MS4A5: variants seen among roughly 807,000 people sequenced by gnomAD.
MS4A5 encodes the protein membrane spanning 4-domains A5, also known as membrane-spanning 4-domains subfamily A member 5.
MS4A5 carries 15 observed loss-of-function variants against 18.2 expected under a neutral mutation model. The observed-to-expected ratio is 0.83, with a 90% CI of 0.55 to 1.27. The LOEUF is 1.27. Among genes scored for constraint, MS4A5 ranks in the 50% most tolerant of loss-of-function variants. The pLI, the probability that MS4A5 is intolerant of heterozygous loss-of-function variation, is 0.00. For synonymous variants in MS4A5, 89 were observed against 78.7 expected (o/e 1.13, Z -0.69); for missense variants, 232 against 225.7 (o/e 1.03, Z -0.18).
Position 60,447,675 on chromosome 11 carries a change from C to T in MS4A5, c.519C>T (p.Phe173=), listed in dbSNP as rs368602041. 5.0e-6 allele frequency: 8 copies of T among 1,587,036 alleles called. No individual in the cohort carries two copies. The highest frequency in any genetic ancestry group is 6.8e-6 in the Non-Finnish European group (8 of 1,171,988). The change falls in exon 5 of 5, where the codon TTC becomes TTT. Residue 173 remains phenylalanine (F), a synonymous_variant. Coordinates refer to ENST00000300190, the MANE Select transcript of MS4A5 (RefSeq NM_023945.3). ...FLGILITLMT[F]SIIELFISLP... is the part of the protein sequence containing the mutation. ...GAATTTTGATTACATTGATGACTTT[C>T]AGCATTATTGAATTATTCATTTCTC... is the stretch of plus-strand genomic sequence containing the variant.
At chr11:60,446,619 G>C (rs921662728) in intron 4 of MS4A5, among the ~76,000 whole-genome samples, 2 of 151,948 alleles carry the variant, frequency 1.3e-5, no homozygotes, top group Non-Finnish European at 2.9e-5. Context: ...TGTAATCCCA[G>C]CTACTCGGGA....
intron 4 of MS4A5, among the ~76,000 whole-genome samples, chr11:60,441,867 A>AAGCATTGC (rs1274441339): frequency 1.3e-5 from 2 of 152,218 alleles, no homozygotes; most frequent in Non-Finnish European, 2.9e-5. Flanking sequence ...TTAAGGCAAG[A>AAGCATTGC]AGCATTGCTA....
chr11:60,443,867 TTCC>T (rs1414617200), intron 4 of MS4A5, among the ~76,000 whole-genome samples: 1 of 152,176 alleles, frequency 6.6e-6, no homozygotes, highest in Non-Finnish European at 1.5e-5. Flanking sequence ...AGATGATTGT[TTCC>T]TTATAAAACC....
At position 60,430,874 on chromosome 11, in the gene MS4A5, A is replaced by T; in HGVS notation, c.232A>T (p.Arg78Trp). 1.2e-6 allele frequency: 2 copies of T among 1,613,328 alleles called. No individual in the cohort carries two copies. Among genetic ancestry groups the T allele is most frequent in the Non-Finnish European group, 1.7e-6 (2 of 1,179,800 alleles). ...FLFTLLKPYP[R>W]FPFIFLSGYP... ...TTTCACCTTGTTAAAACCATATCCA[A>T]GGTTTCCCTTTATATTTCTTTCAGG... Residue 78 changes from arginine (R) to tryptophan (W), a missense_variant, in exon 2 of 5, where the codon AGG becomes TGG. Transcript: ENST00000300190.
At chr11:60,432,390 C>G in intron 2 of MS4A5, 21 bp from the exon 3 acceptor site, 5 of 1,510,324 alleles carry the variant, frequency 3.3e-6, no homozygotes, top group Non-Finnish European at 4.6e-6. Context: ...TCATCATTAA[C>G]ATATTTATTC....
chr11:60,438,272 C>A (rs1449968535), intron 4 of MS4A5, among the ~76,000 whole-genome samples: 8 of 152,182 alleles, frequency 5.3e-5, no homozygotes, highest in African/African-American at 1.9e-4. Flanking sequence ...GCATTCAAAG[C>A]AGGATGTAGA....
chr11:60,438,086 G>A (rs2135175566), intron 4 of MS4A5, among the ~76,000 whole-genome samples: 2 of 152,126 alleles, frequency 1.3e-5, no homozygotes, highest in Middle Eastern at 6.8e-3. Context: ...TCAGACCACA[G>A]TGCAATCAAA....
chr11:60,442,613 C>A (rs941446980), intron 4 of MS4A5, among the ~76,000 whole-genome samples: 4 of 152,064 alleles, frequency 2.6e-5, no homozygotes, highest in African/African-American at 9.7e-5. Flanking sequence ...ACCTGTGTAA[C>A]CTGCACGTCC....
chr11:60,430,941 A>G lies in MS4A5; in HGVS notation c.282+17A>G. 6.2e-7 allele frequency: 1 copy of G among 1,600,130 alleles called. No homozygotes were observed. The highest frequency in any genetic ancestry group is 8.5e-7 in the Non-Finnish European group (1 of 1,176,798). On this transcript the variant is annotated intron_variant, in intron 2 of 4. Transcript: ENST00000300190. Reference sequence around the variant, plus strand: ...TCTGTTTTGGTGAGTATAGTCAATCAAGTTCAATTTGAAGCCATGCCAACC... The same window carrying G: ...TCTGTTTTGGTGAGTATAGTCAATCGAGTTCAATTTGAAGCCATGCCAACC...
At chr11:60,439,973 T>G (rs2086101494) in intron 4 of MS4A5, among the ~76,000 whole-genome samples, 1 of 146,290 alleles carries the variant, frequency 6.8e-6, no homozygotes, top group Non-Finnish European at 1.5e-5. Flanking sequence ...GCCAAGTCAA[T>G]CCGAAGCCAA....
intron 2 of MS4A5, among the ~76,000 whole-genome samples, chr11:60,431,176 A>C (rs906321200): frequency 5.3e-5 from 8 of 152,218 alleles, no homozygotes; most frequent in Non-Finnish European, 1.2e-4. Flanking sequence ...ATTTGAAATT[A>C]GTTACTATTT....
chr11:60,430,668 C>A, intron 1 of MS4A5, 128 bp from the exon 2 acceptor site: 1 of 1,041,120 alleles, frequency 9.6e-7, no homozygotes, highest in Non-Finnish European at 1.4e-6. Context: ...AAAGGGACTT[C>A]TATTATTCTT....
At chr11:60,437,127 G>T (rs371766015) in intron 4 of MS4A5, among the ~76,000 whole-genome samples, 3 of 139,312 alleles carry the variant, frequency 2.2e-5, no homozygotes, top group African/African-American at 7.6e-5. Flanking sequence ...TCAACATTCT[G>T]AAAGAAAAGA....
intron 4 of MS4A5, among the ~76,000 whole-genome samples, chr11:60,441,165 T>A (rs1182057637): frequency 2.4e-5 from 3 of 127,212 alleles, no homozygotes; most frequent in Non-Finnish European, 4.9e-5. Context: ...TTCTCAGTAA[T>A]CTATCGCAAG....
intron 3 of MS4A5, 100 bp from the exon 4 acceptor site, chr11:60,433,665 G>A (rs2086063437): frequency 5.1e-6 from 6 of 1,171,754 alleles, no homozygotes; most frequent in Non-Finnish European, 1.2e-6. Flanking sequence ...GCATTAAGAT[G>A]CTGTGACTAA....
intron 4 of MS4A5, among the ~76,000 whole-genome samples, chr11:60,440,405 C>T (rs1227226142): frequency 3.2e-5 from 4 of 125,824 alleles, no homozygotes; most frequent in South Asian, 2.6e-4. Flanking sequence ...GCAATGGCAA[C>T]AAAAGACAAA....
rs778473501 is a variant in MS4A5 at position 60,447,704 on chromosome 11, C to T, written c.548C>T (p.Pro183Leu). 6.2e-7 allele frequency: 1 copy of T among 1,600,392 alleles called. No individual in the cohort carries two copies. Among genetic ancestry groups the T allele is most frequent in the East Asian group, 2.2e-5 (1 of 44,670 alleles). Residue 183 changes from proline to leucine, a missense_variant, in exon 5 of 5, where the codon CCT becomes CTT. Pro to Leu is a moderately conservative substitution (Grantham distance 98, BLOSUM62 -3). Transcript: ENST00000300190. Reference protein sequence around the residue: ...FSIIELFISLPFSILGCHSED... With the variant: ...FSIIELFISLLFSILGCHSED... ...ATTATTGAATTATTCATTTCTCTGC[C>T]TTTCTCAATTTTGGGGTGCCACTCA...
intron 2 of MS4A5, 118 bp downstream of exon 2, chr11:60,431,042 T>C: frequency 2.7e-6 from 3 of 1,104,296 alleles, no homozygotes; most frequent in Non-Finnish European, 2.6e-6. Flanking sequence ...TGCAAAAAAC[T>C]AACCTTGTTG....
At position 60,433,799 on chromosome 11, in the gene MS4A5, C is replaced by T; in HGVS notation, c.374C>T (p.Ala125Val). ...ILSRIMNFLS[A>V]LGAIAGIILL... ...AGCCGAATAATGAATTTTCTTAGTG[C>T]CCTGGGAGCAATAGCTGGAATCATT... is the stretch of plus-strand genomic sequence containing the variant. Residue 125 changes from alanine to valine, a missense_variant, in exon 4 of 5, where the codon GCC becomes GTC. Physicochemically the swap from Ala to Val is moderately conservative, Grantham distance 64. Coordinates refer to ENST00000300190, the MANE Select transcript of MS4A5 (RefSeq NM_023945.3). The T allele has an allele frequency of 1.2e-6, 2 of 1,613,718 alleles. No individual in the cohort carries two copies. Among genetic ancestry groups the T allele is most frequent in the East Asian group, 2.2e-5 (1 of 44,876 alleles).
Sources: allele counts gnomAD v4.1 joint callset (sites outside exome capture counted in the v4.1 genomes callset), GRCh38; gene constraint gnomAD v4.1.1; transcripts MANE v1.5; gene names NCBI Gene and HGNC (gene_info 2026-07-23, HGNC 2026-07-21).